ABCB5: variants seen among roughly 807,000 people sequenced by gnomAD.
ABCB5 encodes the protein ATP binding cassette subfamily B member 5.
ABCB5 carries 155 observed loss-of-function variants against 144.2 expected under a neutral mutation model. That is an observed-to-expected ratio of 1.08 (90% confidence interval 0.94 to 1.23). The LOEUF is 1.23. ABCB5 is among the 50% of genes most tolerant of loss of function. ABCB5 has a pLI of 0.00. For missense variants in ABCB5, 1,830 were observed against 1,520.8 expected (o/e 1.20, Z -3.38); for synonymous variants, 610 against 528.6 (o/e 1.15, Z -2.11).
At chr7:20,713,761 A>G (rs922197377) in intron 20 of ABCB5, among the ~76,000 whole-genome samples, 2 of 149,762 alleles carry the variant, frequency 1.3e-5, no homozygotes, top group East Asian at 3.9e-4. Context: ...CCTGTGGCTC[A>G]GAAGGTTTTC....
intron 20 of ABCB5, among the ~76,000 whole-genome samples, chr7:20,716,868 A>T (rs10259000): frequency 6.6e-6 from 1 of 152,168 alleles, no homozygotes; most frequent in East Asian, 1.9e-4. Flanking sequence ...GCTTTCCCTT[A>T]GGAATTCTAA....
chr7:20,682,772 C>T (rs185971714), intron 15 of ABCB5, among the ~76,000 whole-genome samples: 13 of 152,226 alleles, frequency 8.5e-5, no homozygotes, highest in South Asian at 2.1e-4. Context: ...ACCACATCAC[C>T]ACAGATGGAC....
chr7:20,685,189 G>C (rs943196610), intron 15 of ABCB5, among the ~76,000 whole-genome samples: 1 of 152,106 alleles, frequency 6.6e-6, no homozygotes, highest in Non-Finnish European at 1.5e-5. Context: ...TCTTATTGTT[G>C]AGGAGTAGGC....
chr7:20,755,701 G>T lies in ABCB5; in HGVS notation c.*77G>T. On this transcript the variant is annotated 3_prime_UTR_variant, in exon 28 of 28. Coordinates refer to ENST00000404938, the MANE Select transcript of ABCB5 (RefSeq NM_001163941.2). The stretch of plus-strand genomic sequence containing the variant: ...ACTTAATAATTACTTGGCAAGCTTT[G>T]ATCTCTTTTATTGCATATATCAATA... 1.5e-6 allele frequency: 2 copies of T among 1,366,880 alleles called. No individual in the cohort carries two copies. Among genetic ancestry groups the T allele is most frequent in the African/African-American group, 1.4e-5 (1 of 69,486 alleles). 84.7% of individuals were successfully genotyped at this position (1,366,880 alleles called of 1,614,324 possible).
chr7:20,746,127 T>C (rs953742212), intron 26 of ABCB5, among the ~76,000 whole-genome samples: 4 of 152,126 alleles, frequency 2.6e-5, no homozygotes, highest in African/African-American at 7.2e-5. Context: ...TTGACAGAGT[T>C]TCGCTCTTGT....
chr7:20,707,801 CTTTTTTTTTT>C (rs67014566), intron 20 of ABCB5, among the ~76,000 whole-genome samples: 1 of 93,088 alleles, frequency 1.1e-5, no homozygotes, highest in African/African-American at 4.2e-5. Flanking sequence ...AACCTCATTT[CTTTTTTTTTT>C]TTTTTTTTTT....
Position 20,723,088 on chromosome 7 carries a change from A to C in ABCB5, c.2494A>C (p.Ile832Leu), listed in dbSNP as rs775164401. Residue 832 changes from isoleucine (I) to leucine (L), a missense_variant, in exon 21 of 28, where the codon ATA (isoleucine) becomes CTA (leucine). Transcript: ENST00000404938. ...GGGACTTTCAGTTATCATTTCCTTT[A>C]TATATGGATGGGAGATGACATTCCT... The part of the protein sequence containing the change: ...NMGLSVIISF[I>L]YGWEMTFLIL... 6.2e-7 allele frequency: 1 copy of C among 1,614,108 alleles called. No individual in the cohort carries two copies. Among genetic ancestry groups the C allele is most frequent in the Non-Finnish European group, 8.5e-7 (1 of 1,180,018 alleles).
chr7:20,731,464 T>A (rs770905030), intron 23 of ABCB5, among the ~76,000 whole-genome samples: 1 of 151,762 alleles, frequency 6.6e-6, no homozygotes, highest in Non-Finnish European at 1.5e-5. Context: ...AGACCTTTCA[T>A]CTATTACACT....
rs116891586 is a variant in ABCB5, at chr7:20,650,347, A to G, written c.1332+200A>G. On this transcript the variant is annotated intron_variant, in intron 12 of 27. Transcript: ENST00000404938. The stretch of plus-strand genomic sequence containing the variant: ...GTCAGGCACTGTTTTAGGTTCTGAG[A>G]ATACCTAGGTGAATAAAACAGATAA... Among the ~76,000 whole-genome samples, 3 of 152,358 alleles carry G rather than the reference A, an allele frequency of 2.0e-5. No individual in the cohort carries two copies. In the East Asian group the frequency reaches 5.8e-4, roughly 29 times the overall value.
intron 13 of ABCB5, among the ~76,000 whole-genome samples, chr7:20,657,351 G>A (rs1261996745): frequency 1.3e-5 from 2 of 152,212 alleles, no homozygotes; most frequent in Admixed American, 6.5e-5. Flanking sequence ...GAATTCAAAT[G>A]TAACAGCTTT....
chr7:20,745,122 T>C (rs941101899), intron 25 of ABCB5, 110 bp from the exon 26 acceptor site: 7 of 1,176,196 alleles, frequency 6.0e-6, no homozygotes, highest in Admixed American at 5.9e-5. Context: ...TTGAAATAGC[T>C]TGAATTCCTA....
intron 3 of ABCB5, among the ~76,000 whole-genome samples, chr7:20,627,074 C>G (rs537606342): frequency 6.6e-6 from 1 of 152,092 alleles, no homozygotes; most frequent in African/African-American, 2.4e-5. Context: ...TTTTTAAAGC[C>G]TATGTATCAG....
intron 5 of ABCB5, among the ~76,000 whole-genome samples, chr7:20,638,155 T>A (rs1481314707): frequency 6.6e-6 from 1 of 152,142 alleles, no homozygotes; most frequent in Non-Finnish European, 1.5e-5. Flanking sequence ...TTATTTAAAT[T>A]ATTTTTTCTG....
At chr7:20,652,020 G>C (rs970410153) in intron 13 of ABCB5, among the ~76,000 whole-genome samples, 1 of 152,024 alleles carries the variant, frequency 6.6e-6, no homozygotes, top group African/African-American at 2.4e-5. Context: ...TGAAAGGCCA[G>C]ATTGAAAAGA....
chr7:20,667,106 C>T (rs565035767), intron 14 of ABCB5: 1 of 708,744 alleles, frequency 1.4e-6, no homozygotes, highest in African/African-American at 1.9e-5. Flanking sequence ...ATTTTATGGA[C>T]CTCTGAGGCA....
At chr7:20,721,495 A>G (rs771755389) in intron 20 of ABCB5, among the ~76,000 whole-genome samples, 3 of 152,118 alleles carry the variant, frequency 2.0e-5, no homozygotes, top group Non-Finnish European at 4.4e-5. Context: ...GTTACTATTT[A>G]TTTTTGACCT....
rs188635856 is a variant in ABCB5 at position 20,666,440 on chromosome 7, A to G, written c.1707+7764A>G. Among the ~76,000 whole-genome samples, 6 of 152,202 alleles carry G rather than the reference A, an allele frequency of 3.9e-5. No individual in the cohort carries two copies. The East Asian group carries it at 7.7e-4, about 20-fold the overall frequency. ...TTCCTTTCTTTTCCTGCTGCCCTCTATGTTTACGGCAAGTCCCATAACCAT... is the reference window on the plus strand; with the variant it reads ...TTCCTTTCTTTTCCTGCTGCCCTCTGTGTTTACGGCAAGTCCCATAACCAT... On this transcript the variant is annotated intron_variant, in intron 14 of 27. Transcript: ENST00000404938.
intron 5 of ABCB5, among the ~76,000 whole-genome samples, chr7:20,639,983 A>C (rs1162221271): frequency 6.6e-6 from 1 of 152,166 alleles, no homozygotes; most frequent in African/African-American, 2.4e-5. Flanking sequence ...CAATCCATCA[A>C]CATGGATTGT....
chr7:20,627,403 G>A (rs888555129), intron 3 of ABCB5, among the ~76,000 whole-genome samples: 8 of 152,124 alleles, frequency 5.3e-5, no homozygotes, highest in Non-Finnish European at 1.5e-5. Flanking sequence ...CTATTGCAAC[G>A]ATGAATGGAA....
Sources: gnomAD v4.1 joint callset for allele counts (sites outside exome capture counted in the v4.1 genomes callset) on GRCh38, gnomAD v4.1.1 for gene constraint, MANE v1.5 for transcripts, NCBI Gene and HGNC (gene_info 2026-07-23, HGNC 2026-07-21) for gene names.